PPEF1: variants seen among roughly 807,000 people sequenced by gnomAD.
PPEF1 encodes the protein serine/threonine-protein phosphatase with EF-hands 1.
A neutral mutation model predicts 53.3 loss-of-function variants in PPEF1; 12 were observed. The ratio of observed to expected loss-of-function variants is 0.23; its 90% confidence interval spans 0.14 to 0.36. PPEF1 has a LOEUF of 0.36. Ranked by LOEUF, PPEF1 falls within the 10% of genes least tolerant of loss-of-function variation. The pLI is 1.00. For synonymous variants in PPEF1, 165 were observed against 176.7 expected, an observed-to-expected ratio of 0.93 and a Z score of 0.52; for missense variants, 334 against 490.4, an observed-to-expected ratio of 0.68 and a Z score of 3.01.
chrX:18,818,811 G>A (rs1168196119), intron 13 of PPEF1, among the ~76,000 whole-genome samples: 5 of 111,976 alleles, frequency 4.5e-5, no homozygotes, highest in African/African-American at 6.5e-5. Flanking sequence ...TTCACTTTCC[G>A]TGAAAGATGA....
intron 10 of PPEF1, among the ~76,000 whole-genome samples, chrX:18,794,281 G>A (rs751307409): frequency 3.4e-4 from 34 of 100,905 alleles, no homozygotes; most frequent in Admixed American, 2.5e-3. Context: ...CTAGTATCTC[G>A]GCACTACCAT....
chrX:18,726,351 CAAAT>C (rs557593698), intron 1 of PPEF1, among the ~76,000 whole-genome samples: 2,431 of 94,731 alleles, frequency 0.026, 37 homozygotes, highest in Middle Eastern at 0.036. Context: ...GACTCTGACT[CAAAT>C]AAATAAATAA....
At chrX:18,699,133 T>A (rs1202681891) in intron 5 of PPEF1, among the ~76,000 whole-genome samples, 1 of 111,449 alleles carries the variant, frequency 9.0e-6, no homozygotes, top group Non-Finnish European at 1.9e-5. Flanking sequence ...ACAATTTGTG[T>A]AGCAGCCTCA....
chrX:18,708,995 C>T (rs2044263691), intron 1 of PPEF1, among the ~76,000 whole-genome samples: 1 of 109,304 alleles, frequency 9.1e-6, no homozygotes, highest in Admixed American at 9.7e-5. Flanking sequence ...AAAACAAATC[C>T]TCTCTCTTTT....
intron 5 of PPEF1, among the ~76,000 whole-genome samples, chrX:18,758,429 C>G (rs1353006889): frequency 8.9e-6 from 1 of 111,908 alleles, no homozygotes; most frequent in Admixed American, 9.5e-5. Flanking sequence ...TGTTATTTTC[C>G]AAATCAGTTT....
chrX:18,821,116 G>C (rs1456493999), intron 13 of PPEF1, among the ~76,000 whole-genome samples: 2 of 107,155 alleles, frequency 1.9e-5, no homozygotes, highest in Non-Finnish European at 3.9e-5. Context: ...CCAGCTACTC[G>C]GGAGGCTGAG....
chrX:18,695,698 G>A (rs1034340876), intron 4 of PPEF1, among the ~76,000 whole-genome samples: 10 of 112,512 alleles, frequency 8.9e-5, no homozygotes, highest in Admixed American at 5.6e-4. Context: ...TCAAGCCATC[G>A]AGGACCAAGC....
intron 10 of PPEF1, among the ~76,000 whole-genome samples, chrX:18,798,097 T>C (rs2147661943): frequency 9.0e-6 from 1 of 111,222 alleles, no homozygotes; most frequent in African/African-American, 3.3e-5. Flanking sequence ...TTTTGTTTGT[T>C]TGAGACAGAG....
Position 18,771,659 on chromosome X carries a change from A to G in PPEF1, c.559-7351A>G, listed in dbSNP as rs144938200. Among the ~76,000 whole-genome samples, 761 of 111,543 alleles carry G rather than the reference A, an allele frequency of 6.8e-3. 2 individuals carry two copies. The highest frequency in any genetic ancestry group is 0.023 in the African/African-American group (703 of 30,716). On this transcript the variant is annotated intron_variant, in intron 6 of 15. Coordinates refer to ENST00000470157, the MANE Select transcript of PPEF1 (RefSeq NM_001377996.1). The stretch of plus-strand genomic sequence containing the variant: ...AGCAATGCTGGGGTTAGGGGTACCA[A>G]TTCCCCATACAGTTGAAAATCCACA...
intron 10 of PPEF1, among the ~76,000 whole-genome samples, chrX:18,796,061 T>C (rs2046426054): frequency 8.9e-6 from 1 of 112,350 alleles, no homozygotes; most frequent in Non-Finnish European, 1.9e-5. Flanking sequence ...GTTTAGGCAA[T>C]TCTCCTGTCT....
chrX:18,808,552 C>CA (rs57335377), intron 12 of PPEF1, among the ~76,000 whole-genome samples: 40 of 99,436 alleles, frequency 4.0e-4, no homozygotes, highest in East Asian at 9.8e-4. Flanking sequence ...GACTCAACAG[C>CA]AAAAAAAAAA....
chrX:18,750,894 C>T (rs181015700), intron 4 of PPEF1, among the ~76,000 whole-genome samples: 4 of 110,595 alleles, frequency 3.6e-5, no homozygotes, highest in Non-Finnish European at 7.6e-5. Flanking sequence ...GTGTGTGTGA[C>T]GTGGCATTTC....
intron 1 of PPEF1, among the ~76,000 whole-genome samples, chrX:18,727,711 T>C (rs2044740527): frequency 9.0e-6 from 1 of 111,016 alleles, no homozygotes; most frequent in Non-Finnish European, 1.9e-5. Context: ...AGTTAAGACC[T>C]CCAGAACTTC....
At chrX:18,782,534 A>G in intron 8 of PPEF1, 132 bp downstream of exon 8, 1 of 463,930 alleles carries the variant, frequency 2.2e-6, no homozygotes, top group Non-Finnish European at 3.6e-6. Flanking sequence ...ATGCATGCCA[A>G]TAAAATACAA....
Position 18,806,473 on chromosome X carries a change from G to A in PPEF1, c.1322G>A (p.Cys441Tyr), listed in dbSNP as rs747677689. 6 of 1,208,402 alleles carry A rather than the reference G, an allele frequency of 5.0e-6. No individual in the cohort carries two copies. In the East Asian group the frequency reaches 8.9e-5, roughly 18 times the overall value. Residue 441 changes from cysteine (C) to tyrosine (Y), a missense_variant, in exon 12 of 16, where the codon TGT becomes TAT. By Grantham distance (194) the Cys-to-Tyr change is radical. Transcript: ENST00000470157. ...GSNRGAYIKL[C>Y]SGTTPRFFQY... Reference sequence around the variant, plus strand: ...AATCGAGGAGCTTACATCAAACTATGTTCTGGTACAACTCCTCGATTTTTC... The same window carrying A: ...AATCGAGGAGCTTACATCAAACTATATTCTGGTACAACTCCTCGATTTTTC...
At chrX:18,767,059 AAAAAG>A (rs1027638700) in intron 6 of PPEF1, among the ~76,000 whole-genome samples, 2 of 111,170 alleles carry the variant, frequency 1.8e-5, no homozygotes, top group African/African-American at 3.3e-5. Context: ...TCTCAGAAAA[AAAAAG>A]AAAAGAAAAG....
chrX:18,770,707 G>A (rs775427333), intron 6 of PPEF1, among the ~76,000 whole-genome samples: 2 of 111,813 alleles, frequency 1.8e-5, no homozygotes, highest in African/African-American at 6.5e-5. Context: ...ACATCACAGA[G>A]GTAGCAAAGA....
intron 10 of PPEF1, among the ~76,000 whole-genome samples, chrX:18,793,395 A>T (rs1462232612): frequency 9.0e-6 from 1 of 111,399 alleles, no homozygotes; most frequent in African/African-American, 3.3e-5. Context: ...ATTTAATTTG[A>T]TTGTGGTCAG....
intron 1 of PPEF1, among the ~76,000 whole-genome samples, chrX:18,715,108 C>G (rs1274289097): frequency 8.9e-6 from 1 of 111,895 alleles, no homozygotes; most frequent in Non-Finnish European, 1.9e-5. Context: ...CGCGGTGACT[C>G]ACGCCTGTAA....
Sources: allele counts gnomAD v4.1 joint callset (sites outside exome capture counted in the v4.1 genomes callset), GRCh38; gene constraint gnomAD v4.1.1; transcripts MANE v1.5; gene names NCBI Gene and HGNC (gene_info 2026-07-23, HGNC 2026-07-21).